The following TRIM5 variants were observed in gnomAD, a reference collection of about 807,000 sequenced individuals.
TRIM5 encodes the protein tripartite motif-containing protein 5.
TRIM5 carries 31 observed loss-of-function variants against 35.6 expected under a neutral mutation model. That is an observed-to-expected ratio of 0.87 (90% CI 0.65 to 1.18). The LOEUF is 1.18. Ranked by LOEUF, TRIM5 falls within the 50% of genes most tolerant of loss-of-function variation. The pLI is 0.00. For missense variants in TRIM5, 609 were observed against 591.6 expected (o/e 1.03, Z -0.31); for synonymous variants, 243 against 215.6 (o/e 1.13, Z -1.11).
chr11:5,630,452 TAGG>T, the TRIM5 span, among the ~76,000 whole-genome samples: 2 of 152,184 alleles, frequency 1.3e-5, no homozygotes, highest in Non-Finnish European at 2.9e-5. Flanking sequence ...TTACTTCATT[TAGG>T]AAGTGTCACA....
the TRIM5 span, among the ~76,000 whole-genome samples, chr11:5,651,076 A>C: frequency 6.6e-6 from 1 of 152,194 alleles, no homozygotes; most frequent in African/African-American, 2.4e-5. Flanking sequence ...GTGACACCTC[A>C]AAATGAGGAA....
chr11:5,674,897 G>C (rs1314375151), intron 4 of TRIM5, among the ~76,000 whole-genome samples: 1 of 152,206 alleles, frequency 6.6e-6, no homozygotes, highest in Non-Finnish European at 1.5e-5. Context: ...GGGGTGTAGG[G>C]AGAGTTGAGG....
chr11:5,641,752 T>G, the TRIM5 span, among the ~76,000 whole-genome samples: 1 of 152,212 alleles, frequency 6.6e-6, no homozygotes, highest in African/African-American at 2.4e-5. Flanking sequence ...TGGAAAAGTG[T>G]AGTCCTTGTT....
intron 2 of TRIM5, among the ~76,000 whole-genome samples, chr11:5,679,419 A>G (rs10769175): frequency 0.66 from 100,509 of 151,860 alleles, 35,341 homozygotes; most frequent in Non-Finnish European, 0.79. Context: ...AGAAAAAACT[A>G]ATCCTGCAGC....
rs1412037675 is a variant in TRIM5, at chr11:5,664,949, T to C, written c.1342A>G (p.Thr448Ala). The C allele has an allele frequency of 1.2e-6, 2 of 1,613,878 alleles. No individual in the cohort carries two copies. The highest frequency in any genetic ancestry group is 1.1e-5 in the South Asian group (1 of 91,074). ...VGVFLDYEAC[T>A]VSFFNITNHG... The stretch of plus-strand genomic sequence containing the variant: ...TTTGTGATATTGAAGAATGAGACAG[T>C]GCAAGCCTCATAGTCTAGGAAAACT... Residue 448 changes from threonine to alanine, a missense_variant, in exon 8 of 8, where the codon ACT (threonine) becomes GCT (alanine). Coordinates refer to ENST00000380034, the MANE Select transcript of TRIM5 (RefSeq NM_033034.3).
the TRIM5 span, among the ~76,000 whole-genome samples, chr11:5,657,791 G>T: frequency 0.66 from 95,279 of 144,620 alleles, 32,064 homozygotes; most frequent in African/African-American, 0.78. Flanking sequence ...AATTTTTGTA[G>T]TTTTAGTAGA....
At chr11:5,597,807 C>G in the TRIM5 span, among the ~76,000 whole-genome samples, 4 of 152,140 alleles carry the variant, frequency 2.6e-5, no homozygotes, top group African/African-American at 9.7e-5. Flanking sequence ...TTCTCTGTCC[C>G]CCTCCCTCTT....
chr11:5,602,563 G>A, the TRIM5 span, among the ~76,000 whole-genome samples: 1 of 151,902 alleles, frequency 6.6e-6, no homozygotes, highest in Non-Finnish European at 1.5e-5. Flanking sequence ...GCAGAGTAAA[G>A]GGTCATCTTT....
chr11:5,632,107 G>A, the TRIM5 span: 282 of 1,114,118 alleles, frequency 2.5e-4, 3 homozygotes, highest in East Asian at 5.0e-3. Flanking sequence ...TTAACAGCTC[G>A]CCCAGACCAC....
the TRIM5 span, among the ~76,000 whole-genome samples, chr11:5,601,413 G>T: frequency 6.6e-6 from 1 of 152,296 alleles, no homozygotes; most frequent in East Asian, 1.9e-4. Context: ...GAAAGCAAGA[G>T]AATGTGATTT....
chr11:5,680,219 T>C lies in TRIM5; in HGVS notation c.-42A>G. On this transcript the variant is annotated 5_prime_UTR_variant, in exon 2 of 8. Transcript: ENST00000380034. The stretch of plus-strand genomic sequence containing the variant: ...CTCCTGCCTGTCCTGGCTGCTGAGG[T>C]TCCTCTTGTTCACAGATCCCTGCAT... 6.5e-7 allele frequency: 1 copy of C among 1,532,330 alleles called. No individual in the cohort carries two copies. Among genetic ancestry groups the C allele is most frequent in the South Asian group, 1.3e-5 (1 of 77,768 alleles). The allele number at this position is 1,532,330 out of a possible 1,614,324, so 94.9% of individuals were successfully genotyped here.
chr11:5,592,868 G>C, the TRIM5 span, among the ~76,000 whole-genome samples: 1 of 138,532 alleles, frequency 7.2e-6, no homozygotes, highest in Non-Finnish European at 1.5e-5. Flanking sequence ...AGTGAGCTGA[G>C]ATTGTGCTAC....
At chr11:5,628,566 C>T in the TRIM5 span, among the ~76,000 whole-genome samples, 20 of 152,220 alleles carry the variant, frequency 1.3e-4, no homozygotes, top group South Asian at 1.0e-3. Flanking sequence ...AGACAGGTCT[C>T]GAGGCCTAGG....
chr11:5,664,566 A>G lies in TRIM5; in HGVS notation c.*243T>C. ...ATAGCGGTCTCATTTTATGAGGTAT[A>G]GGTCAGTTTTCCTTAGGAGTACGGA... On this transcript the variant is annotated 3_prime_UTR_variant, in exon 8 of 8. Transcript: ENST00000380034. 3 of 1,238,576 alleles carry G rather than the reference A, an allele frequency of 2.4e-6. No individual in the cohort carries two copies. Among genetic ancestry groups the G allele is most frequent in the Non-Finnish European group, 3.0e-6 (3 of 989,732 alleles). 76.7% of individuals were successfully genotyped at this position (1,238,576 alleles called of 1,614,324 possible).
chr11:5,680,275 G>A (rs1852332210), intron 1 of TRIM5, 37 bp from the exon 2 acceptor site: 1 of 1,231,562 alleles, frequency 8.1e-7, no homozygotes, highest in South Asian at 1.9e-5. Flanking sequence ...GACCAAGTAA[G>A]AAAGGTAGAA....
the TRIM5 span, among the ~76,000 whole-genome samples, chr11:5,635,668 A>G: frequency 6.6e-6 from 1 of 152,108 alleles, no homozygotes; most frequent in East Asian, 1.9e-4. Flanking sequence ...ATTTCCAAAT[A>G]TTTCCTTTTT....
the TRIM5 span, chr11:5,596,288 G>A: frequency 6.5e-6 from 1 of 154,412 alleles, no homozygotes; most frequent in African/African-American, 2.4e-5. Flanking sequence ...GGTGAAAGAA[G>A]AATGAGGGAG....
chr11:5,600,950 A>T, the TRIM5 span, among the ~76,000 whole-genome samples: 1 of 152,218 alleles, frequency 6.6e-6, no homozygotes, highest in Non-Finnish European at 1.5e-5. Flanking sequence ...AAAATTTTCT[A>T]AAGAGTATTC....
At chr11:5,609,994 G>T in the TRIM5 span, 35 of 705,236 alleles carry the variant, frequency 5.0e-5, no homozygotes, top group Non-Finnish European at 8.2e-5. Flanking sequence ...AGCTCTTCTG[G>T]CTCCAGTGCC....
Sources: allele counts gnomAD v4.1 joint callset (sites outside exome capture counted in the v4.1 genomes callset), GRCh38; gene constraint gnomAD v4.1.1; transcripts MANE v1.5; gene names NCBI Gene and HGNC (gene_info 2026-07-23, HGNC 2026-07-21).